The following METTL25 variants were observed in gnomAD, a reference collection of about 807,000 sequenced individuals.
METTL25 encodes the protein probable methyltransferase-like protein 25.
A neutral mutation model predicts 71.6 loss-of-function variants in METTL25; 64 were observed. That is an observed-to-expected ratio of 0.89 (90% CI 0.73 to 1.10). The LOEUF (loss-of-function observed/expected upper bound fraction) is 1.10, where lower values mean the gene tolerates loss of function less well. Among genes scored for constraint, METTL25 ranks in the 50% least tolerant of loss-of-function variants. The pLI is 0.00. For synonymous variants in METTL25, 287 were observed against 250.3 expected (o/e 1.15, Z -1.38); for missense variants, 807 against 707.0 (o/e 1.14, Z -1.60).
At chr12:82,417,114 G>A (rs1276499903) in intron 5 of METTL25, among the ~76,000 whole-genome samples, 1 of 151,994 alleles carries the variant, frequency 6.6e-6, no homozygotes, top group Non-Finnish European at 1.5e-5. Flanking sequence ...AACCTAAGGA[G>A]TCTTCATCAG....
chr12:82,400,230 G>A (rs1014367768), intron 4 of METTL25, among the ~76,000 whole-genome samples: 1 of 151,906 alleles, frequency 6.6e-6, no homozygotes, highest in African/African-American at 2.4e-5. Context: ...TACTCGGGAG[G>A]CTGAGGCAGG....
At chr12:82,402,331 G>A (rs1015693400) in intron 4 of METTL25, among the ~76,000 whole-genome samples, 2 of 152,002 alleles carry the variant, frequency 1.3e-5, no homozygotes, top group Non-Finnish European at 2.9e-5. Flanking sequence ...GGCAATCTGA[G>A]ACGTGAAATT....
chr12:82,457,964 C>T (rs1891607991), intron 9 of METTL25, among the ~76,000 whole-genome samples: 1 of 152,058 alleles, frequency 6.6e-6, no homozygotes, highest in Non-Finnish European at 1.5e-5. Context: ...ACCTTTAGTG[C>T]ATATCTCATT....
intron 8 of METTL25, among the ~76,000 whole-genome samples, chr12:82,447,534 A>G (rs1225994919): frequency 6.6e-6 from 1 of 152,180 alleles, no homozygotes; most frequent in African/African-American, 2.4e-5. Flanking sequence ...GAAAAGAGCA[A>G]AACTGAATAA....
chr12:82,461,715 A>AG, intron 9 of METTL25, among the ~76,000 whole-genome samples: 1 of 151,832 alleles, frequency 6.6e-6, no homozygotes, highest in Admixed American at 6.6e-5. Context: ...AAAGGCAAAA[A>AG]AAAATCAAGG....
chr12:82,437,362 C>T (rs1264812176), intron 7 of METTL25, among the ~76,000 whole-genome samples: 1 of 151,592 alleles, frequency 6.6e-6, no homozygotes, highest in Admixed American at 6.6e-5. Context: ...CCCACTATTC[C>T]TGCTTTACAG....
chr12:82,439,000 G>C (rs546924817), intron 8 of METTL25: 25 of 346,582 alleles, frequency 7.2e-5, no homozygotes, highest in African/African-American at 4.9e-4. Context: ...TGTCCTGAAA[G>C]CTTGTTGTAA....
chr12:82,461,457 A>G (rs539693607), intron 9 of METTL25, among the ~76,000 whole-genome samples: 14 of 152,314 alleles, frequency 9.2e-5, no homozygotes, highest in Admixed American at 3.3e-4. Flanking sequence ...CCCAAAATCT[A>G]GGAAACTGGG....
At chr12:82,416,763 T>C (rs1480719424) in intron 5 of METTL25, among the ~76,000 whole-genome samples, 1 of 152,036 alleles carries the variant, frequency 6.6e-6, no homozygotes, top group Non-Finnish European at 1.5e-5. Context: ...GTGAGCACCA[T>C]GCTGGGCCTA....
At chr12:82,432,863 TAAA>T (rs11358515) in intron 6 of METTL25, among the ~76,000 whole-genome samples, 84 of 130,242 alleles carry the variant, frequency 6.4e-4, no homozygotes, top group African/African-American at 8.2e-4. Flanking sequence ...TGGTCTTCTT[TAAA>T]AAAAAAAAAA....
At chr12:82,442,136 G>A (rs1890394095) in intron 8 of METTL25, among the ~76,000 whole-genome samples, 1 of 152,090 alleles carries the variant, frequency 6.6e-6, no homozygotes, top group South Asian at 2.1e-4. Flanking sequence ...AGAGAGTTAG[G>A]ACTTTCACCA....
intron 5 of METTL25, among the ~76,000 whole-genome samples, chr12:82,419,088 T>C (rs1888235579): frequency 6.6e-6 from 1 of 152,124 alleles, no homozygotes; most frequent in African/African-American, 2.4e-5. Flanking sequence ...AAGCAGCAGA[T>C]GCTGATCAAG....
chr12:82,402,076 A>G (rs138023059), intron 4 of METTL25, among the ~76,000 whole-genome samples: 1,580 of 152,148 alleles, frequency 0.01, 20 homozygotes, highest in Non-Finnish European at 0.018. Context: ...GCATGTATAC[A>G]TTTGTACTCA....
intron 5 of METTL25, among the ~76,000 whole-genome samples, chr12:82,421,284 G>A (rs1888464576): frequency 6.6e-6 from 1 of 152,160 alleles, no homozygotes; most frequent in African/African-American, 2.4e-5. Flanking sequence ...GGTAGTTTGG[G>A]ATTGTGGAAA....
chr12:82,360,966 A>C (rs2136782979), intron 1 of METTL25, among the ~76,000 whole-genome samples: 1 of 152,310 alleles, frequency 6.6e-6, no homozygotes, highest in East Asian at 1.9e-4. Context: ...TACAGCTCAC[A>C]AACGCAGTGT....
chr12:82,358,955 C>A (rs904965113), intron 1 of METTL25, 131 bp downstream of exon 1: 4 of 1,021,728 alleles, frequency 3.9e-6, no homozygotes, highest in South Asian at 1.5e-5. Context: ...GCTGGGAAAC[C>A]GAGGAGGGGT....
chr12:82,447,690 A>G (rs967989102), intron 8 of METTL25, among the ~76,000 whole-genome samples: 3 of 152,154 alleles, frequency 2.0e-5, no homozygotes, highest in Admixed American at 1.3e-4. Flanking sequence ...AGAAGTACAT[A>G]TAGAAATCAA....
intron 1 of METTL25, among the ~76,000 whole-genome samples, chr12:82,379,578 G>C (rs1050540392): frequency 1.3e-5 from 2 of 152,038 alleles, no homozygotes; most frequent in Non-Finnish European, 2.9e-5. Context: ...AAACATTCTC[G>C]TGAAGCAAAC....
chr12:82,476,731 G>C lies in METTL25; in HGVS notation c.1647+13G>C, dbSNP rs769171963. Reference sequence around the variant, plus strand: ...AGCTTTTAATATGGTAAATCTCAGAGTTAAGCATATTAAATTGGATATGTT... The same window carrying C: ...AGCTTTTAATATGGTAAATCTCAGACTTAAGCATATTAAATTGGATATGTT... On this transcript the variant is annotated intron_variant, in intron 10 of 11. Transcript: ENST00000248306. 2.0e-6 allele frequency: 3 copies of C among 1,537,854 alleles called. No individual in the cohort carries two copies. The highest frequency in any genetic ancestry group is 2.7e-6 in the Non-Finnish European group (3 of 1,128,710).
Sources: allele counts gnomAD v4.1 joint callset (sites outside exome capture counted in the v4.1 genomes callset), GRCh38; gene constraint gnomAD v4.1.1; transcripts MANE v1.5; gene names NCBI Gene and HGNC (gene_info 2026-07-23, HGNC 2026-07-21).